IQUB: variants seen among roughly 807,000 people sequenced by gnomAD.
IQUB encodes IQ motif and ubiquitin-like domain-containing protein.
A neutral mutation model predicts 86.4 loss-of-function variants in IQUB; 86 were observed. That is an observed-to-expected ratio of 1.00 (90% CI 0.84 to 1.19). The LOEUF (loss-of-function observed/expected upper bound fraction) is 1.19. Ranked by LOEUF, IQUB falls within the 50% of genes most tolerant of loss-of-function variation. The probability of loss-of-function intolerance (pLI) is 0.00; values close to 1 mark genes in which losing one functional copy is unlikely to be tolerated. For synonymous variants in IQUB, 289 were observed against 304.5 expected (o/e 0.95, Z 0.53); for missense variants, 946 against 916.9 (o/e 1.03, Z -0.41).
chr7:123,513,803 C>T (rs1796532251), intron 1 of IQUB, among the ~76,000 whole-genome samples: 1 of 152,092 alleles, frequency 6.6e-6, no homozygotes, highest in African/African-American at 2.4e-5. Flanking sequence ...TATGTGCTAC[C>T]ACACTCAGCT....
At position 123,461,288 on chromosome 7, in the gene IQUB, A is replaced by G. The variant is rs1042319235; in HGVS notation, c.2007+69T>C. The G allele has an allele frequency of 7.7e-6, 11 of 1,437,620 alleles. No homozygotes were observed. In the African/African-American group the frequency reaches 1.3e-4, roughly 17 times the overall value. The allele number at this position is 1,437,620 out of a possible 1,614,324, so 89.1% of individuals were successfully genotyped here. A position where few individuals can be genotyped will look rare whatever the true frequency, so the allele number is the denominator to read the frequency against. On this transcript the variant is annotated intron_variant, in intron 11 of 12. Coordinates refer to ENST00000324698, the MANE Select transcript of IQUB (RefSeq NM_178827.5). ...AACAATCACACACACACACACAAAC[A>G]TACATAAGATTGCAAGATAGCCTCC...
At chr7:123,524,963 T>A (rs62483339) in intron 1 of IQUB, among the ~76,000 whole-genome samples, 31 of 151,612 alleles carry the variant, frequency 2.0e-4, no homozygotes, top group Admixed American at 2.0e-3. Flanking sequence ...GATAATCATG[T>A]GGTTTTTGTC....
chr7:123,519,163 C>G (rs985363646), intron 1 of IQUB, among the ~76,000 whole-genome samples: 1 of 152,112 alleles, frequency 6.6e-6, no homozygotes, highest in Non-Finnish European at 1.5e-5. Flanking sequence ...ATAACAGATG[C>G]TGGCAAGGAT....
At chr7:123,486,909 A>G (rs1795234949) in intron 7 of IQUB, among the ~76,000 whole-genome samples, 1 of 152,138 alleles carries the variant, frequency 6.6e-6, no homozygotes, top group Admixed American at 6.5e-5. Context: ...ACATTGGTAA[A>G]TTGAGAAAAA....
chr7:123,469,373 T>C lies in IQUB; in HGVS notation c.1422A>G (p.Pro474=), dbSNP rs1794422078. The C allele has an allele frequency of 1.3e-6, 2 of 1,580,288 alleles. No homozygotes were observed. ...TGCCATTAGGGGTTCTCCATATTTT[T>C]GGAGCTGAACACTTAAAAATAATAT... ...IQAFLDKCSA[P]KIWRTPNGKT... Residue 474 remains proline (P), a synonymous_variant, in exon 9 of 13, where the codon CCA becomes CCG. Coordinates refer to ENST00000324698, the MANE Select transcript of IQUB (RefSeq NM_178827.5).
At chr7:123,465,463 T>C (rs575075569) in intron 9 of IQUB, among the ~76,000 whole-genome samples, 12 of 152,122 alleles carry the variant, frequency 7.9e-5, no homozygotes, top group East Asian at 3.9e-4. Context: ...ACCAGAAACA[T>C]TGGCAACTTC....
At chr7:123,476,443 G>A (rs935250294) in intron 8 of IQUB, among the ~76,000 whole-genome samples, 1 of 152,074 alleles carries the variant, frequency 6.6e-6, no homozygotes, top group Admixed American at 6.6e-5. Context: ...AGCAGTGTGG[G>A]TATAGTATTC....
At chr7:123,491,498 G>C (rs1795459604) in intron 7 of IQUB, among the ~76,000 whole-genome samples, 1 of 152,004 alleles carries the variant, frequency 6.6e-6, no homozygotes, top group South Asian at 2.1e-4. Context: ...CAGTAATTGA[G>C]GTAACATCAC....
intron 1 of IQUB, among the ~76,000 whole-genome samples, chr7:123,517,706 C>T (rs1356077593): frequency 6.6e-6 from 1 of 152,008 alleles, no homozygotes; most frequent in Non-Finnish European, 1.5e-5. Flanking sequence ...CATCCATGGA[C>T]CAACAACAAA....
At chr7:123,486,718 T>C (rs1388751536) in intron 7 of IQUB, among the ~76,000 whole-genome samples, 1 of 152,190 alleles carries the variant, frequency 6.6e-6, no homozygotes, top group Non-Finnish European at 1.5e-5. Context: ...ACAGATTTCA[T>C]TTAATTTGCC....
At chr7:123,484,372 G>A (rs1281639500) in intron 7 of IQUB, among the ~76,000 whole-genome samples, 2 of 151,898 alleles carry the variant, frequency 1.3e-5, no homozygotes, top group East Asian at 3.9e-4. Context: ...CCAAAAAGCA[G>A]TTTATGAATG....
intron 10 of IQUB, among the ~76,000 whole-genome samples, chr7:123,463,194 T>A (rs1584551329): frequency 6.6e-6 from 1 of 151,718 alleles, no homozygotes; most frequent in East Asian, 1.9e-4. Context: ...CAGGCAGAAA[T>A]GCAACATGGT....
chr7:123,480,819 T>C (rs1317048219), intron 7 of IQUB, among the ~76,000 whole-genome samples: 2 of 152,164 alleles, frequency 1.3e-5, no homozygotes, highest in African/African-American at 2.4e-5. Flanking sequence ...ATTTACTGTT[T>C]ATTCAAACTA....
intron 8 of IQUB, among the ~76,000 whole-genome samples, chr7:123,470,605 A>C (rs1320208995): frequency 2.0e-5 from 3 of 152,220 alleles, no homozygotes; most frequent in Non-Finnish European, 4.4e-5. Flanking sequence ...AATCCCAGCC[A>C]CTTTGGGAGG....
At chr7:123,511,105 C>A (rs1796395077) in intron 2 of IQUB, among the ~76,000 whole-genome samples, 1 of 152,148 alleles carries the variant, frequency 6.6e-6, no homozygotes, top group African/African-American at 2.4e-5. Context: ...GTAGTTTTCT[C>A]TCCTTCTTTT....
At chr7:123,507,160 AATG>A (rs1417800155) in intron 3 of IQUB, among the ~76,000 whole-genome samples, 3 of 152,332 alleles carry the variant, frequency 2.0e-5, no homozygotes, top group African/African-American at 7.2e-5. Context: ...TCCAGCTTAC[AATG>A]ATAATGGCTC....
intron 1 of IQUB, among the ~76,000 whole-genome samples, chr7:123,534,173 G>A (rs1797658364): frequency 1.3e-5 from 2 of 152,160 alleles, no homozygotes; most frequent in Non-Finnish European, 1.5e-5. Context: ...TGCCAGGTGT[G>A]GGTTATACAC....
chr7:123,457,650 T>C, intron 11 of IQUB, 84 bp from the exon 12 acceptor site: 1 of 1,020,662 alleles, frequency 9.8e-7, no homozygotes, highest in Non-Finnish European at 1.4e-6. Flanking sequence ...AATTAAATTA[T>C]AGAGTATTTT....
intron 1 of IQUB, among the ~76,000 whole-genome samples, chr7:123,521,409 G>A (rs143581808): frequency 0.045 from 6,829 of 152,130 alleles, 191 homozygotes; most frequent in Middle Eastern, 0.11. Flanking sequence ...TTGGGAGGCC[G>A]AGGTGGTCAG....
Sources: gnomAD v4.1 joint callset for allele counts (sites outside exome capture counted in the v4.1 genomes callset) on GRCh38, gnomAD v4.1.1 for gene constraint, MANE v1.5 for transcripts, NCBI Gene and HGNC (gene_info 2026-07-23, HGNC 2026-07-21) for gene names.